WWOX: variants seen among roughly 807,000 people sequenced by gnomAD.
WWOX encodes WW domain containing oxidoreductase, also known as WW domain-containing oxidoreductase.
A neutral mutation model predicts 46.2 loss-of-function variants in WWOX; 69 were observed. The ratio of observed to expected loss-of-function variants is 1.49; its 90% CI spans 1.23 to 1.82. The LOEUF (loss-of-function observed/expected upper bound fraction) is 1.82, where lower values mean the gene tolerates loss of function less well. WWOX is among the 40% of genes most tolerant of loss of function. WWOX has a pLI of 0.00. For missense variants in WWOX, 919 were observed against 542.6 expected (o/e 1.69, Z -6.89); for synonymous variants, 359 against 202.6 (o/e 1.77, Z -6.56).
chr16:78,596,138 T>G (rs1480613802), intron 8 of WWOX, among the ~76,000 whole-genome samples: 2 of 152,078 alleles, frequency 1.3e-5, no homozygotes, highest in Non-Finnish European at 2.9e-5. Context: ...TTTTTTAATG[T>G]GAAAGAATAT....
chr16:78,839,132 A>G (rs2052070437), intron 8 of WWOX, among the ~76,000 whole-genome samples: 1 of 152,184 alleles, frequency 6.6e-6, no homozygotes, highest in Admixed American at 6.5e-5. Flanking sequence ...CTCAAAAATA[A>G]AAACTTTCAT....
chr16:78,602,380 G>A (rs1248888437), intron 8 of WWOX, among the ~76,000 whole-genome samples: 1 of 152,180 alleles, frequency 6.6e-6, no homozygotes, highest in East Asian at 1.9e-4. Flanking sequence ...CTAAAGGCAC[G>A]TGCCACCACT....
chr16:78,494,773 C>G (rs571028726), intron 8 of WWOX, among the ~76,000 whole-genome samples: 58 of 152,274 alleles, frequency 3.8e-4, no homozygotes, highest in South Asian at 1.2e-3. Context: ...GCTCCTCCCC[C>G]CATCTTTATG....
chr16:78,447,138 G>A (rs1004841513), intron 8 of WWOX, among the ~76,000 whole-genome samples: 5 of 152,140 alleles, frequency 3.3e-5, no homozygotes, highest in Admixed American at 2.0e-4. Context: ...GACAGGCAGA[G>A]TATTTGATCT....
chr16:78,664,489 G>A (rs1330506517), intron 8 of WWOX, among the ~76,000 whole-genome samples: 1 of 152,186 alleles, frequency 6.6e-6, no homozygotes, highest in African/African-American at 2.4e-5. Flanking sequence ...ACCCTCAAAG[G>A]ATGCCCTTAG....
At chr16:78,564,076 G>T (rs1198414088) in intron 8 of WWOX, among the ~76,000 whole-genome samples, 1 of 152,188 alleles carries the variant, frequency 6.6e-6, no homozygotes, top group African/African-American at 2.4e-5. Context: ...TTTCCATATT[G>T]CCCCAGCCAA....
chr16:78,367,812 A>G (rs147048652), intron 5 of WWOX, among the ~76,000 whole-genome samples: 46 of 151,532 alleles, frequency 3.0e-4, no homozygotes, highest in African/African-American at 1.1e-3. Flanking sequence ...GCTGGAGTGC[A>G]GTGGTGCAAT....
At chr16:78,318,868 G>C (rs910365503) in intron 5 of WWOX, among the ~76,000 whole-genome samples, 1 of 152,110 alleles carries the variant, frequency 6.6e-6, no homozygotes, top group Non-Finnish European at 1.5e-5. Flanking sequence ...AACATGCCTG[G>C]GTACAATGTG....
intron 8 of WWOX, among the ~76,000 whole-genome samples, chr16:78,848,176 G>C (rs1408943258): frequency 6.6e-6 from 1 of 152,110 alleles, no homozygotes; most frequent in Non-Finnish European, 1.5e-5. Context: ...GTTTTGCAGG[G>C]GTTTAATATC....
At chr16:78,229,145 G>A (rs1384451019) in intron 5 of WWOX, among the ~76,000 whole-genome samples, 1 of 151,698 alleles carries the variant, frequency 6.6e-6, no homozygotes, top group Non-Finnish European at 1.5e-5. Context: ...CCCATTGGTT[G>A]AATTTAATAT....
At chr16:78,663,308 A>G (rs2047259363) in intron 8 of WWOX, among the ~76,000 whole-genome samples, 2 of 152,176 alleles carry the variant, frequency 1.3e-5, no homozygotes, top group Admixed American at 1.3e-4. Flanking sequence ...TATTTCATGT[A>G]TTAATATTAT....
At chr16:78,528,236 G>A (rs770791834) in intron 8 of WWOX, among the ~76,000 whole-genome samples, 4 of 138,094 alleles carry the variant, frequency 2.9e-5, no homozygotes, top group South Asian at 2.4e-4. Context: ...GGATGGTCTC[G>A]GTCTGCTGAT....
chr16:79,066,919 G>A (rs1193148492), intron 8 of WWOX, among the ~76,000 whole-genome samples: 1 of 152,184 alleles, frequency 6.6e-6, no homozygotes, highest in Non-Finnish European at 1.5e-5. Context: ...TGCAGTCGAA[G>A]ACACTGGCAG....
intron 8 of WWOX, among the ~76,000 whole-genome samples, chr16:78,982,557 A>T (rs918163432): frequency 4.6e-5 from 7 of 152,130 alleles, no homozygotes; most frequent in African/African-American, 1.7e-4. Flanking sequence ...TAGAGTAGGG[A>T]GTTATCAATT....
intron 5 of WWOX, among the ~76,000 whole-genome samples, chr16:78,184,956 G>C (rs1449955167): frequency 6.6e-6 from 1 of 152,194 alleles, no homozygotes; most frequent in Non-Finnish European, 1.5e-5. Flanking sequence ...GAGTTGCTTG[G>C]AGGGATCTGT....
chr16:78,981,246 C>G (rs1597234221), intron 8 of WWOX, among the ~76,000 whole-genome samples: 2 of 152,048 alleles, frequency 1.3e-5, no homozygotes, highest in African/African-American at 2.4e-5. Flanking sequence ...CAACTCTGCC[C>G]TCTTATTAGG....
intron 8 of WWOX, among the ~76,000 whole-genome samples, chr16:79,198,353 G>C (rs780647202): frequency 6.6e-5 from 10 of 151,994 alleles, no homozygotes; most frequent in Non-Finnish European, 1.3e-4. Context: ...GAAAAGTAAA[G>C]AAAAGAAAAG....
intron 1 of WWOX, among the ~76,000 whole-genome samples, chr16:78,106,664 C>T (rs2032168904): frequency 6.6e-6 from 1 of 152,094 alleles, no homozygotes; most frequent in Non-Finnish European, 1.5e-5. Flanking sequence ...AATCCGCCTG[C>T]CTTGCCCTCC....
chr16:78,871,040 C>T (rs542614742), intron 8 of WWOX, among the ~76,000 whole-genome samples: 6 of 152,078 alleles, frequency 3.9e-5, no homozygotes, highest in South Asian at 2.1e-4. Context: ...ATTAATTTCT[C>T]GAGGTAAAAC....
Sources: gnomAD v4.1 joint callset for allele counts (sites outside exome capture counted in the v4.1 genomes callset) on GRCh38, gnomAD v4.1.1 for gene constraint, MANE v1.5 for transcripts, NCBI Gene and HGNC (gene_info 2026-07-23, HGNC 2026-07-21) for gene names.